The following SEMA3E variants were observed in gnomAD, a reference collection of about 807,000 sequenced individuals.
SEMA3E encodes the protein semaphorin-3E.
In SEMA3E, 49 loss-of-function variants were observed where a neutral mutation model predicts 93.6. The observed-to-expected ratio is 0.52, with a 90% CI of 0.42 to 0.66. The LOEUF is 0.66. Among genes scored for constraint, SEMA3E ranks in the 30% least tolerant of loss-of-function variants. SEMA3E has a pLI of 0.00. For missense variants in SEMA3E, 906 were observed against 964.8 expected (o/e 0.94, Z 0.81); for synonymous variants, 363 against 330.7 (o/e 1.10, Z -1.06).
At position 83,648,537 on chromosome 7, in the gene SEMA3E, T is replaced by C. The variant is rs1452395965; in HGVS notation, c.6A>G (p.Ala2=). 1.2e-6 allele frequency: 2 copies of C among 1,612,846 alleles called. No homozygotes were observed. The highest frequency in any genetic ancestry group is 4.5e-5 in the East Asian group (2 of 44,808). Reference sequence around the variant, plus strand: ...GCAAGGTGATAATGTGCCCCGCGGATGCCATGCTGCCGTGTTCACCGTCCA... The same window carrying C: ...GCAAGGTGATAATGTGCCCCGCGGACGCCATGCTGCCGTGTTCACCGTCCA... The part of the protein sequence containing the change: M[A]SAGHIITLLL... The change falls in exon 1 of 17, where the codon GCA becomes GCG. Residue 2 remains alanine, a synonymous_variant. Transcript: ENST00000643230.
At chr7:83,548,429 T>A (rs546827043) in intron 1 of SEMA3E, among the ~76,000 whole-genome samples, 1 of 152,184 alleles carries the variant, frequency 6.6e-6, no homozygotes, top group South Asian at 2.1e-4. Context: ...AAAAACTATC[T>A]CTTTATCTAA....
intron 1 of SEMA3E, among the ~76,000 whole-genome samples, chr7:83,543,607 T>C (rs1039501873): frequency 1.3e-4 from 20 of 152,128 alleles, no homozygotes; most frequent in Non-Finnish European, 1.3e-4. Context: ...TGCTTGTTGA[T>C]TCCCTACAAG....
chr7:83,583,975 CAA>C (rs2115920266), intron 1 of SEMA3E, among the ~76,000 whole-genome samples: 1 of 152,114 alleles, frequency 6.6e-6, no homozygotes, highest in African/African-American at 2.4e-5. Flanking sequence ...GCTATGTGTA[CAA>C]AGAGGGACTA....
chr7:83,447,960 A>C (rs1789269718), intron 4 of SEMA3E, among the ~76,000 whole-genome samples: 1 of 152,214 alleles, frequency 6.6e-6, no homozygotes, highest in Non-Finnish European at 1.5e-5. Flanking sequence ...CCAGCTGTTT[A>C]ATCCACACAA....
chr7:83,368,951 T>C (rs1481653722), intron 16 of SEMA3E, among the ~76,000 whole-genome samples: 1 of 152,210 alleles, frequency 6.6e-6, no homozygotes, highest in Non-Finnish European at 1.5e-5. Flanking sequence ...GCCTTAGTTT[T>C]CTTTGTAAAG....
At chr7:83,380,606 C>T (rs1467611274) in intron 16 of SEMA3E, among the ~76,000 whole-genome samples, 1 of 151,932 alleles carries the variant, frequency 6.6e-6, no homozygotes, top group African/African-American at 2.4e-5. Flanking sequence ...AATCGTTTCC[C>T]AGTTGGTTAT....
At chr7:83,453,012 T>C (rs1012035896) in intron 4 of SEMA3E, among the ~76,000 whole-genome samples, 43 of 152,200 alleles carry the variant, frequency 2.8e-4, no homozygotes, top group African/African-American at 1.0e-3. Context: ...TGAATTCTTC[T>C]AATGCTAATT....
At chr7:83,584,096 A>C (rs576789334) in intron 1 of SEMA3E, among the ~76,000 whole-genome samples, 1 of 152,310 alleles carries the variant, frequency 6.6e-6, no homozygotes, top group Non-Finnish European at 1.5e-5. Flanking sequence ...ATGTTACAGC[A>C]TTCTAAGTTC....
At chr7:83,548,620 A>G (rs748111749) in intron 1 of SEMA3E, among the ~76,000 whole-genome samples, 26 of 152,094 alleles carry the variant, frequency 1.7e-4, no homozygotes, top group Non-Finnish European at 3.5e-4. Context: ...ACCTCTGTTA[A>G]TATTTGTAGT....
At chr7:83,384,110 T>C (rs1201940594) in intron 16 of SEMA3E, among the ~76,000 whole-genome samples, 1 of 152,064 alleles carries the variant, frequency 6.6e-6, no homozygotes, top group Non-Finnish European at 1.5e-5. Flanking sequence ...TGACTTTCTT[T>C]CTAAAACCTG....
intron 1 of SEMA3E, among the ~76,000 whole-genome samples, chr7:83,550,335 G>C (rs1233386131): frequency 6.6e-6 from 1 of 152,024 alleles, no homozygotes; most frequent in African/African-American, 2.4e-5. Flanking sequence ...GCTAACTTCT[G>C]AATTCCTGTG....
intron 4 of SEMA3E, among the ~76,000 whole-genome samples, chr7:83,437,071 G>C (rs578147176): frequency 1.3e-5 from 2 of 152,066 alleles, no homozygotes; most frequent in African/African-American, 4.8e-5. Flanking sequence ...CATGGAAAAG[G>C]CCTGCTCCCA....
intron 1 of SEMA3E, among the ~76,000 whole-genome samples, chr7:83,517,190 G>T (rs1326926099): frequency 2.0e-5 from 3 of 152,122 alleles, no homozygotes; most frequent in African/African-American, 7.2e-5. Context: ...TAGCCTTGAT[G>T]CTCCAAATCA....
intron 16 of SEMA3E, among the ~76,000 whole-genome samples, chr7:83,382,659 T>C (rs1019748835): frequency 2.6e-5 from 4 of 151,468 alleles, no homozygotes; most frequent in African/African-American, 4.8e-5. Context: ...TAATTCTTAA[T>C]AACTTATTAT....
intron 1 of SEMA3E, among the ~76,000 whole-genome samples, chr7:83,532,785 T>TA (rs1791328835): frequency 1.3e-5 from 2 of 151,470 alleles, no homozygotes; most frequent in African/African-American, 2.4e-5. Flanking sequence ...TGTTTTTTTT[T>TA]TAAAAAAAGA....
intron 1 of SEMA3E, among the ~76,000 whole-genome samples, chr7:83,494,080 A>T (rs957369905): frequency 1.4e-4 from 22 of 151,860 alleles, no homozygotes; most frequent in Admixed American, 1.4e-3. Flanking sequence ...TCCAAAAAGG[A>T]TCTGAGATGA....
chr7:83,594,004 T>G (rs11976310), intron 1 of SEMA3E, among the ~76,000 whole-genome samples: 1 of 151,962 alleles, frequency 6.6e-6, no homozygotes, highest in Non-Finnish European at 1.5e-5. Flanking sequence ...TGTTAAAGAG[T>G]GTTTGTATTT....
At chr7:83,623,960 T>C (rs1793618923) in intron 1 of SEMA3E, among the ~76,000 whole-genome samples, 1 of 148,788 alleles carries the variant, frequency 6.7e-6, no homozygotes, top group African/African-American at 2.5e-5. Flanking sequence ...CACTTATGAG[T>C]GAGAATATAC....
At chr7:83,497,082 A>C (rs1584289375) in intron 1 of SEMA3E, among the ~76,000 whole-genome samples, 1 of 152,232 alleles carries the variant, frequency 6.6e-6, no homozygotes, top group East Asian at 1.9e-4. Context: ...ATTATTGCTA[A>C]GCTGCATGCT....
Sources: allele counts gnomAD v4.1 joint callset (sites outside exome capture counted in the v4.1 genomes callset), GRCh38; gene constraint gnomAD v4.1.1; transcripts MANE v1.5; gene names NCBI Gene and HGNC (gene_info 2026-07-23, HGNC 2026-07-21).